Variants in ROBO2 observed in about 807,000 individuals in gnomAD.
The protein encoded by ROBO2 is roundabout guidance receptor 2.
ROBO2 carries 53 observed loss-of-function variants against 160.8 expected under a neutral mutation model. The observed-to-expected ratio is 0.33, with a 90% CI of 0.26 to 0.41. The LOEUF is 0.41. Ranked by LOEUF, ROBO2 falls within the 10% of genes least tolerant of loss-of-function variation. The probability of loss-of-function intolerance (pLI) is 1.00; values close to 1 mark genes in which losing one functional copy is unlikely to be tolerated. For missense variants in ROBO2, 1,577 were observed against 1,722.4 expected (o/e 0.92, Z 1.49); for synonymous variants, 664 against 611.7 (o/e 1.09, Z -1.26).
At chr3:76,003,142 T>C (rs543023002) in intron 2 of ROBO2, among the ~76,000 whole-genome samples, 1 of 152,328 alleles carries the variant, frequency 6.6e-6, no homozygotes, top group South Asian at 2.1e-4. Context: ...CAGGGTTTAC[T>C]AGCTTACACT....
At chr3:76,206,104 C>T (rs752019303) in intron 2 of ROBO2, among the ~76,000 whole-genome samples, 3 of 152,088 alleles carry the variant, frequency 2.0e-5, no homozygotes, top group Admixed American at 6.6e-5. Context: ...CAAATAAAGT[C>T]GTACAATTCC....
chr3:77,365,112 T>C (rs2070648500), intron 2 of ROBO2, among the ~76,000 whole-genome samples: 1 of 143,566 alleles, frequency 7.0e-6, no homozygotes, highest in Admixed American at 7.2e-5. Flanking sequence ...ACCACTGCAC[T>C]CCAGCCTGCT....
At chr3:77,374,997 C>G (rs890033297) in intron 2 of ROBO2, among the ~76,000 whole-genome samples, 2 of 152,110 alleles carry the variant, frequency 1.3e-5, no homozygotes, top group Non-Finnish European at 2.9e-5. Flanking sequence ...TTGCTTGAGG[C>G]CAGGAGTTTG....
chr3:76,592,652 T>C (rs1662216122), intron 2 of ROBO2, among the ~76,000 whole-genome samples: 1 of 152,108 alleles, frequency 6.6e-6, no homozygotes, highest in Non-Finnish European at 1.5e-5. Flanking sequence ...ATTAGTGGCT[T>C]AAAATAGCAC....
chr3:77,544,794 T>C (rs888827712), intron 6 of ROBO2, among the ~76,000 whole-genome samples: 1 of 152,128 alleles, frequency 6.6e-6, no homozygotes, highest in African/African-American at 2.4e-5. Context: ...CTCAGTTTTC[T>C]AGCCTAAGAA....
intron 2 of ROBO2, among the ~76,000 whole-genome samples, chr3:77,446,478 A>G (rs1004622625): frequency 2.6e-5 from 4 of 152,070 alleles, no homozygotes; most frequent in African/African-American, 9.7e-5. Context: ...AGCTAACAGA[A>G]AAAAAGTACA....
chr3:76,962,258 A>G (rs1045764177), intron 2 of ROBO2, among the ~76,000 whole-genome samples: 3 of 151,316 alleles, frequency 2.0e-5, no homozygotes, highest in Non-Finnish European at 4.4e-5. Context: ...TTGCTTGAAC[A>G]CAGGAGGTAG....
chr3:77,030,274 A>G (rs751516637), intron 2 of ROBO2, among the ~76,000 whole-genome samples: 24 of 152,110 alleles, frequency 1.6e-4, no homozygotes, highest in Non-Finnish European at 2.4e-4. Flanking sequence ...ACTAAAATAG[A>G]TTTTTTTAAG....
Position 77,564,736 on chromosome 3 carries a change from T to A in ROBO2, c.1683-218T>A, listed in dbSNP as rs1046612084. ...TCACATCTCCTGGGCTGAGTTTAAT[T>A]TTGTTGTGCATGGCACTTTTGTTAG... On this transcript the variant is annotated intron_variant, in intron 11 of 25. Transcript: ENST00000461745. 31 of 624,350 alleles carry A rather than the reference T, an allele frequency of 5.0e-5. No individual in the cohort carries two copies. The East Asian group carries it at 6.0e-4, about 12-fold the overall frequency. 38.7% of individuals were successfully genotyped at this position (624,350 alleles called of 1,614,324 possible). A position where few individuals can be genotyped will look rare whatever the true frequency, so the allele number is the denominator to read the frequency against.
At chr3:76,004,794 G>A (rs1222888163) in intron 2 of ROBO2, among the ~76,000 whole-genome samples, 1 of 152,158 alleles carries the variant, frequency 6.6e-6, no homozygotes, top group African/African-American at 2.4e-5. Flanking sequence ...TGGATGAAAT[G>A]TTTCCATTGA....
chr3:76,747,014 G>T (rs1340446130), intron 2 of ROBO2, among the ~76,000 whole-genome samples: 1 of 152,026 alleles, frequency 6.6e-6, no homozygotes, highest in Non-Finnish European at 1.5e-5. Flanking sequence ...AGTATTCCAT[G>T]GTGTATATGT....
At chr3:76,607,112 G>T (rs1220347928) in intron 2 of ROBO2, among the ~76,000 whole-genome samples, 8 of 152,166 alleles carry the variant, frequency 5.3e-5, no homozygotes, top group African/African-American at 1.9e-4. Context: ...GCTAGTCACA[G>T]ATGTGATCAT....
chr3:77,617,897 C>A, intron 22 of ROBO2, 124 bp downstream of exon 23: 1 of 985,074 alleles, frequency 1.0e-6, no homozygotes, highest in Non-Finnish European at 1.5e-6. Flanking sequence ...TTGTATGACT[C>A]CTTAATCATT....
At chr3:76,392,654 C>G (rs17013975) in intron 2 of ROBO2, among the ~76,000 whole-genome samples, 7,899 of 152,052 alleles carry the variant, frequency 0.052, 571 homozygotes, top group African/African-American at 0.16. Context: ...GCAACGGTTG[C>G]CAATTTTTTC....
intron 5 of ROBO2, among the ~76,000 whole-genome samples, chr3:77,518,451 T>A (rs1289668793): frequency 6.6e-6 from 1 of 151,528 alleles, no homozygotes; most frequent in Admixed American, 6.6e-5. Context: ...AACTAAGTAC[T>A]CAAAGTCTGT....
At chr3:76,436,203 ATTTT>A (rs1464705983) in intron 2 of ROBO2, among the ~76,000 whole-genome samples, 2 of 70,690 alleles carry the variant, frequency 2.8e-5, no homozygotes, top group Non-Finnish European at 3.0e-5. Context: ...CTTTTTTTTT[ATTTT>A]TTTATTATTA....
chr3:77,569,492 G>A (rs754654968), intron 13 of ROBO2, among the ~76,000 whole-genome samples: 5 of 151,576 alleles, frequency 3.3e-5, no homozygotes, highest in Non-Finnish European at 5.9e-5. Context: ...CAAACTCTTG[G>A]TCCATTTTTG....
intron 5 of ROBO2, among the ~76,000 whole-genome samples, chr3:77,495,457 A>C (rs889754683): frequency 1.3e-5 from 2 of 152,164 alleles, no homozygotes; most frequent in Non-Finnish European, 2.9e-5. Flanking sequence ...CCAGGTTTTC[A>C]TCATTGTCCT....
chr3:77,500,695 C>A (rs2087463673), intron 5 of ROBO2, among the ~76,000 whole-genome samples: 1 of 152,160 alleles, frequency 6.6e-6, no homozygotes, highest in Non-Finnish European at 1.5e-5. Flanking sequence ...TAATTGACAA[C>A]TTTCAGAGGG....
Sources: allele counts gnomAD v4.1 joint callset (sites outside exome capture counted in the v4.1 genomes callset), GRCh38; gene constraint gnomAD v4.1.1; transcripts MANE v1.5; gene names NCBI Gene and HGNC (gene_info 2026-07-23, HGNC 2026-07-21).